Variants in PLEKHG1 observed in about 807,000 individuals in gnomAD.
PLEKHG1 encodes the protein pleckstrin homology and RhoGEF domain containing G1, also known as pleckstrin homology domain-containing family G member 1.
A neutral mutation model predicts 100.8 loss-of-function variants in PLEKHG1; 44 were observed. The observed-to-expected ratio is 0.44, with a 90% CI of 0.34 to 0.56. The LOEUF is 0.56. Among genes scored for constraint, PLEKHG1 ranks in the 20% least tolerant of loss-of-function variants. PLEKHG1 has a pLI of 0.01. For missense variants in PLEKHG1, 1,545 were observed against 1,720.9 expected, an observed-to-expected ratio of 0.90 and a Z score of 1.81; for synonymous variants, 640 against 662.5, an observed-to-expected ratio of 0.97 and a Z score of 0.52.
At chr6:150,787,017 T>C (rs1009474292) in intron 4 of PLEKHG1, among the ~76,000 whole-genome samples, 6 of 124,874 alleles carry the variant, frequency 4.8e-5, no homozygotes, top group African/African-American at 1.9e-4. Context: ...GTGACAAGAG[T>C]GAGACTCTGT....
In PLEKHG1 at chr6:150,823,792, C is replaced by A. The variant is rs367846734; in HGVS notation, c.1470+116C>A. On this transcript the variant is annotated intron_variant, in intron 14 of 15. Coordinates refer to ENST00000358517, the Ensembl canonical transcript of PLEKHG1. ...ATTCCAAGTGTCAACAGTTATTTTA[C>A]ATTTTGGAAATATGGTATTTTACAT... is the stretch of plus-strand genomic sequence containing the variant. 1.4e-5 allele frequency: 10 copies of A among 729,906 alleles called. No individual in the cohort carries two copies. The African/African-American group carries it at 1.4e-4, about 10-fold the overall frequency. The allele number at this position is 729,906 out of a possible 1,614,324, so 45.2% of individuals were successfully genotyped here. A position where few individuals can be genotyped will look rare whatever the true frequency, so the allele number is the denominator to read the frequency against.
rs1375021188 is a variant in PLEKHG1 at position 150,758,559 on chromosome 6, TC to T, written c.412-10077del. On this transcript the variant is annotated intron_variant, in intron 2 of 15. Transcript: ENST00000358517. ...CATGTTGGTCAGGCTGGTCTCAAAC[TC>T]CTGACCTCAGGTGATCTGCCTGCCT... 2.0e-5 allele frequency among the ~76,000 whole-genome samples: 3 copies of T among 152,270 alleles called. No individual in the cohort carries two copies. The East Asian group carries it at 5.8e-4, about 29-fold the overall frequency.
At chr6:150,601,412 G>A (rs1364669148) in intron 1 of PLEKHG1, among the ~76,000 whole-genome samples, 1 of 152,104 alleles carries the variant, frequency 6.6e-6, no homozygotes, top group Non-Finnish European at 1.5e-5. Context: ...CAGTGCACAC[G>A]AACCAGATAG....
At chr6:150,812,485 TGCCGAGGTCAAGGAGATTTAAACAGAA>T (rs1311513408) in intron 10 of PLEKHG1, among the ~76,000 whole-genome samples, 11 of 152,058 alleles carry the variant, frequency 7.2e-5, no homozygotes, top group Non-Finnish European at 1.5e-4. Context: ...TCTCAAAGGC[TGCCGAGGTCAAGGAGATTTAAACAGAA>T]AAGCAGATTT....
chr6:150,725,928 G>A (rs1478212619), intron 1 of PLEKHG1, among the ~76,000 whole-genome samples: 5 of 151,820 alleles, frequency 3.3e-5, no homozygotes, highest in Admixed American at 1.3e-4. Context: ...AAAATTATGT[G>A]ACCATAAAAA....
chr6:150,612,265 G>A (rs1776881484), intron 1 of PLEKHG1, among the ~76,000 whole-genome samples: 1 of 152,166 alleles, frequency 6.6e-6, no homozygotes. Context: ...AGTGTTGATT[G>A]ATATATTAAT....
chr6:150,761,931 G>A (rs993591705), intron 2 of PLEKHG1, among the ~76,000 whole-genome samples: 2 of 152,172 alleles, frequency 1.3e-5, no homozygotes, highest in African/African-American at 4.8e-5. Flanking sequence ...CCTTTCAGGA[G>A]GAGGTAGCAA....
At chr6:150,805,241 A>G (rs552100665) in intron 7 of PLEKHG1, among the ~76,000 whole-genome samples, 5 of 152,216 alleles carry the variant, frequency 3.3e-5, no homozygotes, top group East Asian at 3.9e-4. Context: ...GGCCGACATT[A>G]TAACTTTTAA....
chr6:150,668,862 GTAATACAAAA>G (rs1336554737), intron 3 of PLEKHG1, among the ~76,000 whole-genome samples: 2 of 152,142 alleles, frequency 1.3e-5, no homozygotes, highest in African/African-American at 4.8e-5. Context: ...TTTGTACAAA[GTAATACAAAA>G]CAAGATTTGT....
intron 3 of PLEKHG1, among the ~76,000 whole-genome samples, chr6:150,670,869 GCC>G (rs149940870): frequency 6.9e-6 from 1 of 145,558 alleles, no homozygotes; most frequent in African/African-American, 2.6e-5. Context: ...TTTATCCCTT[GCC>G]CCCCCCTCCC....
intron 15 of PLEKHG1, among the ~76,000 whole-genome samples, chr6:150,837,855 A>G (rs4869950): frequency 0.26 from 40,271 of 152,186 alleles, 5,729 homozygotes; most frequent in East Asian, 0.39. Flanking sequence ...AAGAGTCTTT[A>G]CTGCGCCTTT....
At chr6:150,684,536 A>G (rs1219361356) in intron 3 of PLEKHG1, among the ~76,000 whole-genome samples, 1 of 152,092 alleles carries the variant, frequency 6.6e-6, no homozygotes, top group Non-Finnish European at 1.5e-5. Context: ...CAGTGTCTGA[A>G]TTTGGGCAGT....
intron 14 of PLEKHG1, chr6:150,828,424 A>C: frequency 6.5e-7 from 1 of 1,527,560 alleles, no homozygotes; most frequent in Non-Finnish European, 8.9e-7. Context: ...TCTTGTGACA[A>C]ATTGTCTGGA....
chr6:150,681,648 CT>C (rs36012965), intron 3 of PLEKHG1, among the ~76,000 whole-genome samples: 1 of 151,708 alleles, frequency 6.6e-6, no homozygotes. Context: ...TTTAGAAAAC[CT>C]TTTTTCCCCA....
At chr6:150,811,079 G>C (rs141726355) in intron 10 of PLEKHG1, among the ~76,000 whole-genome samples, 2 of 152,116 alleles carry the variant, frequency 1.3e-5, no homozygotes, top group Non-Finnish European at 2.9e-5. Flanking sequence ...GAGGGTGCTC[G>C]GGAGACAAGA....
chr6:150,749,207 C>T (rs755510587), intron 2 of PLEKHG1, among the ~76,000 whole-genome samples: 23 of 152,148 alleles, frequency 1.5e-4, no homozygotes, highest in Non-Finnish European at 2.9e-5. Context: ...TTGAGTGCCT[C>T]CTACGTGCCA....
Position 150,774,531 on chromosome 6 carries a change from ATTTTTTTTTTT to A in PLEKHG1, c.512+5811_512+5821del, listed in dbSNP as rs61521577. Among the ~76,000 whole-genome samples, 574 of 87,170 alleles carry A rather than the reference ATTTTTTTTTTT, an allele frequency of 6.6e-3. 4 individuals are homozygous for A. Among genetic ancestry groups the A allele is most frequent in the Middle Eastern group, 0.049 (8 of 164 alleles). 57.2% of individuals were successfully genotyped at this position (87,170 alleles called of 152,430 possible). On this transcript the variant is annotated intron_variant, in intron 3 of 15. Coordinates refer to ENST00000358517, the Ensembl canonical transcript of PLEKHG1. ...TCTATTTAGGCACTGATTAGTTTGA[ATTTTTTTTTTT>A]TTTTTTTTTTTTTTTTTGAGACACA... is the stretch of plus-strand genomic sequence containing the variant.
chr6:150,822,177 A>AAAAAAAAAAAAAAAAAAAC, intron 13 of PLEKHG1, among the ~76,000 whole-genome samples: 1 of 124,392 alleles, frequency 8.0e-6, no homozygotes, highest in Middle Eastern at 3.6e-3. Context: ...AAAAAAAAAA[A>AAAAAAAAAAAAAAAAAAAC]AGAATAGGGC....
chr6:150,701,620 G>T (rs1780795738), intron 3 of PLEKHG1, among the ~76,000 whole-genome samples: 1 of 108,954 alleles, frequency 9.2e-6, no homozygotes, highest in Admixed American at 1.1e-4. Context: ...TCACCCCACA[G>T]TGGCCCCGGT....
Sources: gnomAD v4.1 joint callset for allele counts (sites outside exome capture counted in the v4.1 genomes callset) on GRCh38, gnomAD v4.1.1 for gene constraint, MANE v1.5 for transcripts, NCBI Gene and HGNC (gene_info 2026-07-23, HGNC 2026-07-21) for gene names.